SNTG1: variants seen among roughly 807,000 people sequenced by gnomAD.
SNTG1 encodes syntrophin gamma 1.
SNTG1 carries 39 observed loss-of-function variants against 74.7 expected under a neutral mutation model. The ratio of observed to expected loss-of-function variants is 0.52; its 90% CI spans 0.40 to 0.68. The LOEUF is 0.68. Ranked by LOEUF, SNTG1 falls within the 30% of genes least tolerant of loss-of-function variation. SNTG1 has a pLI of 0.00. For missense variants in SNTG1, 685 were observed against 609.5 expected (o/e 1.12, Z -1.30); for synonymous variants, 254 against 217.1 (o/e 1.17, Z -1.49).
At chr8:50,381,124 T>C (rs939864533) in intron 2 of SNTG1, 1 of 152,174 alleles carries the variant, frequency 6.6e-6, no homozygotes, top group Non-Finnish European at 1.5e-5. Context: ...TTAAAGATGA[T>C]TTCATCACAT....
At chr8:50,719,052 T>C (rs963870872) in intron 17 of SNTG1, among the ~76,000 whole-genome samples, 1 of 152,192 alleles carries the variant, frequency 6.6e-6, no homozygotes, top group Non-Finnish European at 1.5e-5. Context: ...AAGAAATAAA[T>C]AGAAGAGTTT....
At chr8:50,675,022 C>T (rs562742316) in intron 15 of SNTG1, among the ~76,000 whole-genome samples, 1 of 152,142 alleles carries the variant, frequency 6.6e-6, no homozygotes, top group Non-Finnish European at 1.5e-5. Context: ...GCAGTATGGT[C>T]TAAGAGACTG....
At chr8:49,938,577 C>CTTTTA (rs1424217147) in intron 1 of SNTG1, among the ~76,000 whole-genome samples, 1 of 25,364 alleles carries the variant, frequency 3.9e-5, no homozygotes, top group African/African-American at 1.1e-4. Context: ...CTTTTCTTTT[C>CTTTTA]TTTTCTTTTC....
intron 17 of SNTG1, among the ~76,000 whole-genome samples, chr8:50,709,629 C>T (rs949095126): frequency 6.6e-6 from 1 of 152,100 alleles, no homozygotes; most frequent in Non-Finnish European, 1.5e-5. Context: ...AATGACAAAG[C>T]CAAAGCATTG....
chr8:50,220,428 T>C (rs974067839), intron 2 of SNTG1, among the ~76,000 whole-genome samples: 16 of 152,220 alleles, frequency 1.1e-4, no homozygotes, highest in African/African-American at 3.6e-4. Context: ...AGTACAAAAC[T>C]ATGCAGCTTT....
chr8:50,716,958 G>C (rs531025749), intron 17 of SNTG1, among the ~76,000 whole-genome samples: 1 of 151,780 alleles, frequency 6.6e-6, no homozygotes, highest in Non-Finnish European at 1.5e-5. Context: ...GGATGGACTC[G>C]ATCTCCTGAC....
At chr8:50,320,046 G>T (rs1454308441) in intron 2 of SNTG1, among the ~76,000 whole-genome samples, 2 of 152,148 alleles carry the variant, frequency 1.3e-5, no homozygotes, top group Non-Finnish European at 2.9e-5. Flanking sequence ...GGAAGTATTT[G>T]CTCTTCCTCT....
At chr8:50,508,296 A>G (rs1346724200) in intron 9 of SNTG1, among the ~76,000 whole-genome samples, 1 of 152,168 alleles carries the variant, frequency 6.6e-6, no homozygotes, top group Non-Finnish European at 1.5e-5. Context: ...TATATGTGCC[A>G]CATTTTCTTA....
At chr8:50,773,154 A>G (rs952252175) in intron 18 of SNTG1, among the ~76,000 whole-genome samples, 4 of 152,130 alleles carry the variant, frequency 2.6e-5, no homozygotes. Context: ...CATTGGAAAA[A>G]TTGCTAACCT....
At chr8:50,726,884 A>G (rs1399650371) in intron 17 of SNTG1, among the ~76,000 whole-genome samples, 1 of 152,056 alleles carries the variant, frequency 6.6e-6, no homozygotes, top group East Asian at 1.9e-4. Context: ...AAAATAAATA[A>G]ATAAATAAAA....
intron 1 of SNTG1, among the ~76,000 whole-genome samples, chr8:50,137,672 T>A (rs2081518591): frequency 1.3e-5 from 2 of 152,124 alleles, no homozygotes; most frequent in South Asian, 4.1e-4. Context: ...AGGTCAGACC[T>A]GGCAAGGGCA....
chr8:50,782,842 C>A (rs963100302), intron 18 of SNTG1, among the ~76,000 whole-genome samples: 1 of 152,050 alleles, frequency 6.6e-6, no homozygotes, highest in Non-Finnish European at 1.5e-5. Context: ...GTTTTGTCTA[C>A]TTTTGGTCTT....
intron 1 of SNTG1, among the ~76,000 whole-genome samples, chr8:50,044,025 C>T (rs969076085): frequency 6.6e-6 from 1 of 152,168 alleles, no homozygotes; most frequent in Admixed American, 6.5e-5. Context: ...ATCATTCTGA[C>T]ATCTCTCTGA....
chr8:50,589,282 TA>T (rs1554582073), intron 12 of SNTG1, among the ~76,000 whole-genome samples: 1 of 152,146 alleles, frequency 6.6e-6, no homozygotes, highest in Non-Finnish European at 1.5e-5. Flanking sequence ...CAAAAAATTA[TA>T]ATATAACAAT....
intron 17 of SNTG1, among the ~76,000 whole-genome samples, chr8:50,740,783 T>C (rs2095541478): frequency 6.6e-6 from 1 of 151,988 alleles, no homozygotes; most frequent in Non-Finnish European, 1.5e-5. Flanking sequence ...TAGTGGTGTA[T>C]ATACACCATG....
intron 3 of SNTG1, among the ~76,000 whole-genome samples, chr8:50,396,353 G>C (rs2092728636): frequency 6.6e-6 from 1 of 152,186 alleles, no homozygotes; most frequent in South Asian, 2.1e-4. Flanking sequence ...GGAAAGTGAG[G>C]ACTCATCTTT....
chr8:50,226,244 A>T (rs1487793456), intron 2 of SNTG1, among the ~76,000 whole-genome samples: 1 of 152,088 alleles, frequency 6.6e-6, no homozygotes, highest in Non-Finnish European at 1.5e-5. Flanking sequence ...ATAAATTCTC[A>T]TCAGATGGGT....
At chr8:50,362,560 A>G (rs1389258363) in intron 2 of SNTG1, among the ~76,000 whole-genome samples, 1 of 151,466 alleles carries the variant, frequency 6.6e-6, no homozygotes, top group Non-Finnish European at 1.5e-5. Context: ...TAGCACTCTA[A>G]TTTTCTTCAG....
chr8:50,511,278 A>G (rs2094071360), intron 9 of SNTG1, among the ~76,000 whole-genome samples: 1 of 152,152 alleles, frequency 6.6e-6, no homozygotes, highest in African/African-American at 2.4e-5. Context: ...GTGGTCTGAG[A>G]GAGAGTTTGT....
Sources: gnomAD v4.1 joint callset for allele counts (sites outside exome capture counted in the v4.1 genomes callset) on GRCh38, gnomAD v4.1.1 for gene constraint, MANE v1.5 for transcripts, NCBI Gene and HGNC (gene_info 2026-07-23, HGNC 2026-07-21) for gene names.